Variants in GLI2 observed in about 807,000 individuals in gnomAD.
The protein encoded by GLI2 is GLI family zinc finger 2.
Under a neutral mutation model 78.9 loss-of-function variants are expected in GLI2, and 22 were observed. The ratio of observed to expected loss-of-function variants is 0.28; its 90% CI spans 0.20 to 0.40. The LOEUF is 0.40. Among genes scored for constraint, GLI2 ranks in the 10% least tolerant of loss-of-function variants. The pLI is 1.00. For synonymous variants in GLI2, 974 were observed against 963.7 expected, an observed-to-expected ratio of 1.01 and a Z score of -0.20; for missense variants, 2,097 against 2,213.2, an observed-to-expected ratio of 0.95 and a Z score of 1.05.
intron 1 of GLI2, among the ~76,000 whole-genome samples, chr2:120,749,261 C>T (rs1346882466): frequency 6.6e-6 from 1 of 152,202 alleles, no homozygotes; most frequent in African/African-American, 2.4e-5. Flanking sequence ...TTTTCTTTGA[C>T]ATCTCTCTTA....
chr2:120,873,745 T>C (rs1361357778), intron 2 of GLI2, among the ~76,000 whole-genome samples: 1 of 152,122 alleles, frequency 6.6e-6, no homozygotes, highest in African/African-American at 2.4e-5. Context: ...AACCACAGGC[T>C]CCCCGAGCCT....
At chr2:120,759,675 A>G in intron 1 of GLI2, among the ~76,000 whole-genome samples, 1 of 152,152 alleles carries the variant, frequency 6.6e-6, no homozygotes, top group East Asian at 1.9e-4. Flanking sequence ...TGGAGGCTTC[A>G]TTACTTATGC....
At chr2:120,773,891 C>G (rs1031099943) in intron 1 of GLI2, among the ~76,000 whole-genome samples, 1 of 148,826 alleles carries the variant, frequency 6.7e-6, no homozygotes, top group Non-Finnish European at 1.5e-5. Flanking sequence ...CCTTCCCTCC[C>G]TCCCTGCCTC....
intron 1 of GLI2, among the ~76,000 whole-genome samples, chr2:120,794,939 C>G (rs1684315333): frequency 1.3e-5 from 2 of 152,208 alleles, no homozygotes; most frequent in African/African-American, 4.8e-5. Flanking sequence ...ACTGTGGAAA[C>G]TGGCCAGGCT....
intron 3 of GLI2, among the ~76,000 whole-genome samples, chr2:120,931,167 G>A (rs1033232119): frequency 6.6e-6 from 1 of 152,208 alleles, no homozygotes; most frequent in Non-Finnish European, 1.5e-5. Context: ...AAGTCTTATG[G>A]TACTTAAAAT....
chr2:120,765,899 G>A (rs550270034), intron 1 of GLI2, among the ~76,000 whole-genome samples: 1 of 152,366 alleles, frequency 6.6e-6, no homozygotes, highest in Admixed American at 6.5e-5. Flanking sequence ...GATAGGAGAT[G>A]TTGATGTGAA....
At chr2:120,770,346 C>T (rs561741325) in intron 1 of GLI2, among the ~76,000 whole-genome samples, 10 of 152,310 alleles carry the variant, frequency 6.6e-5, no homozygotes, top group Admixed American at 2.6e-4. Context: ...GGTGGGTCCC[C>T]GAGCACGGGG....
chr2:120,785,308 T>C (rs1030890452), intron 1 of GLI2, among the ~76,000 whole-genome samples: 1 of 152,066 alleles, frequency 6.6e-6, no homozygotes, highest in African/African-American at 2.4e-5. Flanking sequence ...ATCATGAAGA[T>C]CCCAGCTGAA....
intron 3 of GLI2, among the ~76,000 whole-genome samples, chr2:120,944,766 C>A (rs1188172088): frequency 6.6e-6 from 1 of 152,246 alleles, no homozygotes; most frequent in African/African-American, 2.4e-5. Flanking sequence ...TTCCTTGAGT[C>A]TCAGTTTCCT....
intron 2 of GLI2, among the ~76,000 whole-genome samples, chr2:120,891,704 A>G (rs1327453229): frequency 1.3e-5 from 2 of 152,154 alleles, no homozygotes; most frequent in African/African-American, 4.8e-5. Flanking sequence ...TCCTGGCTCC[A>G]GTAGAGTGGA....
At chr2:120,778,188 A>G (rs1486255362) in intron 1 of GLI2, among the ~76,000 whole-genome samples, 1 of 152,132 alleles carries the variant, frequency 6.6e-6, no homozygotes, top group Non-Finnish European at 1.5e-5. Flanking sequence ...GATGGCCAAG[A>G]AAGTGGGGTC....
At chr2:120,915,418 A>T (rs957012941) in intron 2 of GLI2, among the ~76,000 whole-genome samples, 5 of 152,064 alleles carry the variant, frequency 3.3e-5, no homozygotes, top group Non-Finnish European at 5.9e-5. Flanking sequence ...TTTTAGTTGC[A>T]CGTTGTGGAG....
At chr2:120,912,181 C>T (rs951124490) in intron 2 of GLI2, among the ~76,000 whole-genome samples, 1 of 152,136 alleles carries the variant, frequency 6.6e-6, no homozygotes, top group Non-Finnish European at 1.5e-5. Context: ...GGAGTTTTCC[C>T]CTAGATCTTA....
chr2:120,896,638 TACACACAC>T (rs149519455), intron 2 of GLI2, among the ~76,000 whole-genome samples: 9 of 119,346 alleles, frequency 7.5e-5, no homozygotes, highest in African/African-American at 2.7e-4. Flanking sequence ...AAAACACACA[TACACACAC>T]ACACACACAC....
intron 2 of GLI2, among the ~76,000 whole-genome samples, chr2:120,827,092 G>A (rs980029690): frequency 3.9e-5 from 6 of 152,198 alleles, no homozygotes; most frequent in African/African-American, 1.2e-4. Flanking sequence ...GTGGTTTGTT[G>A]ACTAAATCCG....
chr2:120,813,355 C>T (rs1336160477), intron 2 of GLI2, among the ~76,000 whole-genome samples: 2 of 152,162 alleles, frequency 1.3e-5, no homozygotes, highest in Non-Finnish European at 2.9e-5. Context: ...TGGGGGATGG[C>T]GTGGGTGCCC....
intron 1 of GLI2, among the ~76,000 whole-genome samples, chr2:120,794,548 G>A (rs1427110270): frequency 6.6e-6 from 1 of 152,184 alleles, no homozygotes; most frequent in Non-Finnish European, 1.5e-5. Context: ...CTGGCACAGA[G>A]CAGCCAGCGG....
intron 2 of GLI2, among the ~76,000 whole-genome samples, chr2:120,870,560 C>T (rs1305090518): frequency 6.6e-6 from 1 of 152,158 alleles, no homozygotes; most frequent in Non-Finnish European, 1.5e-5. Flanking sequence ...GTGTGACTGC[C>T]AGTGACACCT....
intron 7 of GLI2, among the ~76,000 whole-genome samples, chr2:120,970,838 T>C (rs1208054137): frequency 6.6e-6 from 1 of 152,158 alleles, no homozygotes; most frequent in African/African-American, 2.4e-5. Context: ...GCATAATAAG[T>C]AGATGGAGAA....
Sources: gnomAD v4.1 joint callset for allele counts (sites outside exome capture counted in the v4.1 genomes callset) on GRCh38, gnomAD v4.1.1 for gene constraint, MANE v1.5 for transcripts, NCBI Gene and HGNC (gene_info 2026-07-23, HGNC 2026-07-21) for gene names.